The following GLI2 variants were observed in gnomAD, a reference collection of about 807,000 sequenced individuals.
GLI2 encodes the protein transcription activator GLI2.
Under a neutral mutation model 78.9 loss-of-function variants are expected in GLI2, and 22 were observed. The ratio of observed to expected loss-of-function variants is 0.28; its 90% CI spans 0.20 to 0.40. GLI2 has a LOEUF of 0.40. GLI2 is among the 10% of genes least tolerant of loss of function. The probability of loss-of-function intolerance (pLI) is 1.00; values close to 1 mark genes in which losing one functional copy is unlikely to be tolerated. For missense variants in GLI2, 2,097 were observed against 2,213.2 expected, an observed-to-expected ratio of 0.95 and a Z score of 1.05; for synonymous variants, 974 against 963.7, an observed-to-expected ratio of 1.01 and a Z score of -0.20.
chr2:120,903,183 G>A (rs546082775), intron 2 of GLI2, among the ~76,000 whole-genome samples: 112 of 152,112 alleles, frequency 7.4e-4, no homozygotes, highest in African/African-American at 2.6e-3. Context: ...TCAGGAGTTC[G>A]AGACCAGCCT....
chr2:120,933,840 A>AGCCCTGCCCTGCCCT (rs56996797), intron 3 of GLI2, among the ~76,000 whole-genome samples: 22 of 137,894 alleles, frequency 1.6e-4, no homozygotes, highest in South Asian at 5.0e-4. Flanking sequence ...GGACCTTTCC[A>AGCCCTGCCCTGCCCT]GCCCTGCCCT....
chr2:120,736,947 A>T (rs1188829763), intron 1 of GLI2, among the ~76,000 whole-genome samples: 1 of 148,932 alleles, frequency 6.7e-6, no homozygotes, highest in East Asian at 2.0e-4. Context: ...TCCCAAAGGG[A>T]TCCGCACGTA....
chr2:120,813,192 A>G (rs1685340355), intron 2 of GLI2, among the ~76,000 whole-genome samples: 1 of 152,192 alleles, frequency 6.6e-6, no homozygotes, highest in Non-Finnish European at 1.5e-5. Flanking sequence ...ATCTGTTCCC[A>G]AGGAGGAATT....
chr2:120,977,743 A>G (rs928833212), intron 9 of GLI2, among the ~76,000 whole-genome samples: 4 of 152,162 alleles, frequency 2.6e-5, no homozygotes, highest in African/African-American at 9.7e-5. Context: ...GTTTTCTCCC[A>G]GGATAAGCTT....
chr2:120,838,274 A>C (rs1686709568), intron 2 of GLI2, among the ~76,000 whole-genome samples: 1 of 152,268 alleles, frequency 6.6e-6, no homozygotes, highest in Non-Finnish European at 1.5e-5. Flanking sequence ...ACACACATAT[A>C]TATATGTTTA....
At chr2:120,849,521 C>T (rs979575180) in intron 2 of GLI2, among the ~76,000 whole-genome samples, 1 of 152,130 alleles carries the variant, frequency 6.6e-6, no homozygotes, top group African/African-American at 2.4e-5. Flanking sequence ...AGGTAACTCT[C>T]TGGGGTAACC....
intron 2 of GLI2, among the ~76,000 whole-genome samples, chr2:120,827,002 C>T (rs1435796928): frequency 1.3e-5 from 2 of 152,224 alleles, no homozygotes; most frequent in Non-Finnish European, 2.9e-5. Flanking sequence ...TTCGCTTTCA[C>T]TGTGTGGTGA....
intron 2 of GLI2, among the ~76,000 whole-genome samples, chr2:120,834,770 C>T (rs1041238975): frequency 3.3e-5 from 5 of 152,140 alleles, no homozygotes; most frequent in Non-Finnish European, 7.3e-5. Flanking sequence ...GTGATGGCTA[C>T]CGTGTCATCC....
chr2:120,926,193 A>G lies in GLI2; in HGVS notation c.149-1168A>G, dbSNP rs186338071. ...ATTGTACCAGAATCTGTTTGCACAG[A>G]AACAGTTAGTAGCATTATTTTTCTA... On this transcript the variant is annotated intron_variant, in intron 2 of 13. Transcript: ENST00000361492. Among the ~76,000 whole-genome samples the G allele has an allele frequency of 4.5e-3, 669 of 150,180 alleles. 2 individuals are homozygous for G. Among genetic ancestry groups the G allele is most frequent in the African/African-American group, 0.014 (594 of 41,120 alleles).
intron 2 of GLI2, among the ~76,000 whole-genome samples, chr2:120,904,994 A>G (rs1678450520): frequency 6.6e-6 from 1 of 152,228 alleles, no homozygotes; most frequent in African/African-American, 2.4e-5. Context: ...TGCCACGGAC[A>G]GTGATTGAAA....
chr2:120,898,913 C>G (rs1339048151), intron 2 of GLI2, among the ~76,000 whole-genome samples: 1 of 152,138 alleles, frequency 6.6e-6, no homozygotes, highest in African/African-American at 2.4e-5. Context: ...TAAGACTTTT[C>G]TAAATCCAGG....
intron 2 of GLI2, among the ~76,000 whole-genome samples, chr2:120,823,452 C>T (rs911141517): frequency 6.6e-6 from 1 of 152,170 alleles, no homozygotes; most frequent in Non-Finnish European, 1.5e-5. Flanking sequence ...GGACATCACT[C>T]GCCCAGTACA....
At chr2:120,816,192 C>CT (rs3053837) in intron 2 of GLI2, among the ~76,000 whole-genome samples, 57,067 of 134,744 alleles carry the variant, frequency 0.42, 12,509 homozygotes, top group East Asian at 0.48. Context: ...CCCCAAAGAG[C>CT]TTTTTTTTTT....
chr2:120,826,598 G>T (rs1481832137), intron 2 of GLI2, among the ~76,000 whole-genome samples: 2 of 152,168 alleles, frequency 1.3e-5, no homozygotes, highest in African/African-American at 4.8e-5. Flanking sequence ...GGTCTTTCGT[G>T]TCTAATCTTG....
chr2:120,866,773 C>T (rs1035662035), intron 2 of GLI2: 1 of 152,176 alleles, frequency 6.6e-6, no homozygotes, highest in African/African-American at 2.4e-5. Flanking sequence ...TCCCAAAGTA[C>T]TTTTCACGTG....
chr2:120,835,708 A>G (rs113181778), intron 2 of GLI2, among the ~76,000 whole-genome samples: 1,541 of 152,100 alleles, frequency 0.01, 33 homozygotes, highest in African/African-American at 0.035. Context: ...TTGACCTTAC[A>G]TGTAACTTTG....
At chr2:120,948,040 G>A (rs570415011) in intron 3 of GLI2, among the ~76,000 whole-genome samples, 1 of 152,194 alleles carries the variant, frequency 6.6e-6, no homozygotes, top group Non-Finnish European at 1.5e-5. Flanking sequence ...CCAGCTTTCT[G>A]TCTGGTCACA....
intron 2 of GLI2, among the ~76,000 whole-genome samples, chr2:120,887,368 G>A (rs998259366): frequency 3.4e-4 from 52 of 152,262 alleles, no homozygotes; most frequent in African/African-American, 1.2e-3. Context: ...GCCGGAGCCT[G>A]GAGCCTGTGA....
At chr2:120,980,525 G>A (rs1394370497) in intron 10 of GLI2, among the ~76,000 whole-genome samples, 2 of 152,080 alleles carry the variant, frequency 1.3e-5, no homozygotes, top group African/African-American at 2.4e-5. Context: ...CATATATCTG[G>A]TTACTAGACC....
Sources: allele counts gnomAD v4.1 joint callset (sites outside exome capture counted in the v4.1 genomes callset), GRCh38; gene constraint gnomAD v4.1.1; transcripts MANE v1.5; gene names NCBI Gene and HGNC (gene_info 2026-07-23, HGNC 2026-07-21).